TRAPPC10: variants seen among roughly 807,000 people sequenced by gnomAD.
TRAPPC10 encodes the protein TRAPP 130 kDa subunit.
TRAPPC10 carries 23 observed loss-of-function variants against 125.5 expected under a neutral mutation model. The observed-to-expected ratio is 0.18, with a 90% CI of 0.13 to 0.26. The LOEUF (loss-of-function observed/expected upper bound fraction) is 0.26. Among genes scored for constraint, TRAPPC10 ranks in the 10% least tolerant of loss-of-function variants. TRAPPC10 has a pLI of 1.00. For missense variants in TRAPPC10, 1,123 were observed against 1,308.4 expected, an observed-to-expected ratio of 0.86 and a Z score of 2.19; for synonymous variants, 509 against 518.0, an observed-to-expected ratio of 0.98 and a Z score of 0.24.
At chr21:44,037,712 A>G in intron 2 of TRAPPC10, 80 bp from the exon 3 acceptor site, 1 of 1,504,986 alleles carries the variant, frequency 6.6e-7, no homozygotes, top group Middle Eastern at 2.2e-4. Flanking sequence ...ATACCATTAC[A>G]TTATTTGTTG....
intron 3 of TRAPPC10, chr21:44,047,159 G>A (rs566390649): frequency 2.4e-6 from 1 of 412,068 alleles, no homozygotes; most frequent in African/African-American, 2.1e-5. Context: ...GGGGTTTATA[G>A]TTTTGATTTA....
chr21:44,037,464 C>T lies in TRAPPC10; in HGVS notation c.150-328C>T, dbSNP rs148747899. Among the ~76,000 whole-genome samples, 419 of 152,262 alleles carry T rather than the reference C, an allele frequency of 2.8e-3. 5 individuals carry two copies. The highest frequency in any genetic ancestry group is 9.4e-3 in the African/African-American group (392 of 41,542). On this transcript the variant is annotated intron_variant, in intron 2 of 22. Coordinates refer to ENST00000291574, the MANE Select transcript of TRAPPC10 (RefSeq NM_003274.5). Reference sequence around the variant, plus strand: ...ACACACTTTTCTTCTTTTATGGTGACATAATTATAGATTCCGTTACACTGA... The same window carrying T: ...ACACACTTTTCTTCTTTTATGGTGATATAATTATAGATTCCGTTACACTGA...
intron 1 of TRAPPC10, among the ~76,000 whole-genome samples, chr21:44,016,915 A>G (rs753256559): frequency 6.6e-5 from 10 of 152,234 alleles, no homozygotes; most frequent in South Asian, 2.1e-4. Context: ...TCAGCCTCCC[A>G]AAGTGCTGGG....
intron 7 of TRAPPC10, among the ~76,000 whole-genome samples, chr21:44,073,721 G>T (rs994868278): frequency 6.6e-6 from 1 of 152,198 alleles, no homozygotes; most frequent in Non-Finnish European, 1.5e-5. Context: ...AAATACTGCA[G>T]TGTATAGGGA....
At chr21:44,046,946 A>G (rs1051968678) in intron 3 of TRAPPC10, 2 of 828,558 alleles carry the variant, frequency 2.4e-6, no homozygotes, top group African/African-American at 1.7e-5. Flanking sequence ...GTGTCGATGA[A>G]TATGGCCCAC....
intron 1 of TRAPPC10, among the ~76,000 whole-genome samples, chr21:44,025,316 C>A (rs1385994740): frequency 1.3e-5 from 2 of 152,194 alleles, no homozygotes; most frequent in African/African-American, 4.8e-5. Flanking sequence ...TGGGGAAAGA[C>A]CAGTTTGGGA....
At chr21:44,020,339 G>A (rs2032371901) in intron 1 of TRAPPC10, among the ~76,000 whole-genome samples, 1 of 152,014 alleles carries the variant, frequency 6.6e-6, no homozygotes, top group East Asian at 1.9e-4. Flanking sequence ...TGTTAGCCAG[G>A]ATGGTCTCGA....
chr21:44,046,513 T>TC, intron 3 of TRAPPC10: 1 of 170,828 alleles, frequency 5.9e-6, no homozygotes, highest in Non-Finnish European at 1.2e-5. Flanking sequence ...TAAGTTTTTT[T>TC]TTTTTTTTTG....
At chr21:44,040,525 A>G (rs2034337896) in intron 3 of TRAPPC10, among the ~76,000 whole-genome samples, 1 of 151,966 alleles carries the variant, frequency 6.6e-6, no homozygotes, top group South Asian at 2.1e-4. Flanking sequence ...TTCTGTAGAG[A>G]TAGGGTTTTG....
rs539713516 is a variant in TRAPPC10 at position 44,082,200 on chromosome 21, C to T, written c.1724-588C>T. ...AGCCTTGTGTATTTTCTAGACAAAA[C>T]CAAGGTACTTACAGTTCGGTCAGAG... On this transcript the variant is annotated intron_variant, in intron 13 of 22. Transcript: ENST00000291574. The surrounding 1 kb of genome is among the most constrained non-coding windows in gnomAD (Gnocchi z 4.4). 6.6e-6 allele frequency among the ~76,000 whole-genome samples: 1 copy of T among 152,268 alleles called. No individual in the cohort carries two copies. The highest frequency in any genetic ancestry group is 2.1e-4 in the South Asian group (1 of 4,822).
intron 7 of TRAPPC10, among the ~76,000 whole-genome samples, chr21:44,073,984 A>T (rs529229080): frequency 2.1e-3 from 201 of 95,028 alleles, no homozygotes; most frequent in East Asian, 3.6e-3. Context: ...TCCTTTTTTT[A>T]AAAAAAAATT....
At chr21:44,055,356 G>A (rs772653393) in intron 4 of TRAPPC10, among the ~76,000 whole-genome samples, 10 of 152,074 alleles carry the variant, frequency 6.6e-5, no homozygotes, top group African/African-American at 7.2e-5. Flanking sequence ...TTGAGAGGCC[G>A]AGGCAGGAGG....
chr21:44,064,303 ATGTGTGTGTGTGTGTGTGTG>A (rs10526131), intron 7 of TRAPPC10, among the ~76,000 whole-genome samples: 2 of 148,316 alleles, frequency 1.3e-5, no homozygotes, highest in African/African-American at 4.9e-5. Flanking sequence ...TGTCATAAAT[ATGTGTGTGTGTGTGTGTGTG>A]TGTGTGTGTG....
chr21:44,059,728 A>C lies in TRAPPC10; in HGVS notation c.790+514A>C, dbSNP rs945254891. On this transcript the variant is annotated intron_variant, in intron 6 of 22. Transcript: ENST00000291574. This position sits in a 1 kb window ranked among gnomAD's most constrained non-coding sequence, Gnocchi z 4.4. Reference sequence around the variant, plus strand: ...GAGAGAAACATTGGTTATTGTCCTCAGTGTTTTTCGCTGATACTTATTTTG... The same window carrying C: ...GAGAGAAACATTGGTTATTGTCCTCCGTGTTTTTCGCTGATACTTATTTTG... The C allele has an allele frequency of 2.1e-6, 1 of 474,404 alleles. No individual in the cohort carries two copies. The highest frequency in any genetic ancestry group is 3.7e-6 in the Non-Finnish European group (1 of 267,560). The allele number at this position is 474,404 out of a possible 1,614,324, so 29.4% of individuals were successfully genotyped here. A position where few individuals can be genotyped will look rare whatever the true frequency, so the allele number is the denominator to read the frequency against.
chr21:44,061,750 C>T (rs924561827), intron 6 of TRAPPC10, among the ~76,000 whole-genome samples: 2 of 152,122 alleles, frequency 1.3e-5, no homozygotes. Context: ...GAAAGAATGC[C>T]TAGAACTTAA....
chr21:44,056,030 T>C, intron 5 of TRAPPC10, 137 bp downstream of exon 5: 2 of 714,142 alleles, frequency 2.8e-6, no homozygotes, highest in Non-Finnish European at 4.3e-6. Context: ...ACAAAAAACC[T>C]GGAATATCTT....
intron 1 of TRAPPC10, among the ~76,000 whole-genome samples, chr21:44,019,710 A>C (rs1212362027): frequency 6.6e-6 from 1 of 152,136 alleles, no homozygotes; most frequent in Non-Finnish European, 1.5e-5. Context: ...CCCTTTCCCA[A>C]ATAAGGTGAC....
At position 44,052,630 on chromosome 21, in the gene TRAPPC10, C is replaced by T. The variant is rs549149793; in HGVS notation, c.482+154C>T. Among the ~76,000 whole-genome samples the T allele has an allele frequency of 2.0e-5, 3 of 152,106 alleles. No individual in the cohort carries two copies. In the South Asian group the frequency reaches 6.3e-4, roughly 32 times the overall value. On this transcript the variant is annotated intron_variant, in intron 4 of 22. Coordinates refer to ENST00000291574, the MANE Select transcript of TRAPPC10 (RefSeq NM_003274.5). ...ACCTGGTGCCTGTCCTTGTGGAGTT[C>T]CTGTTTAGGCAGGCAAAGAACTCGA...
At chr21:44,050,968 G>A (rs761003325) in intron 3 of TRAPPC10, among the ~76,000 whole-genome samples, 22 of 152,230 alleles carry the variant, frequency 1.4e-4, no homozygotes, top group African/African-American at 4.1e-4. Flanking sequence ...GCAGTGGTGC[G>A]ATCTTGACTC....
Sources: gnomAD v4.1 joint callset for allele counts (sites outside exome capture counted in the v4.1 genomes callset) on GRCh38, gnomAD v4.1.1 for gene constraint, Gnocchi (gnomAD v3.1) non-coding constraint, MANE v1.5 for transcripts, NCBI Gene and HGNC (gene_info 2026-07-23, HGNC 2026-07-21) for gene names.